LRRC7: variants seen among roughly 807,000 people sequenced by gnomAD.
The protein encoded by LRRC7 is leucine-rich repeat-containing protein 7.
A neutral mutation model predicts 175.7 loss-of-function variants in LRRC7; 23 were observed. The observed-to-expected ratio is 0.13, with a 90% confidence interval of 0.09 to 0.19. LRRC7 has a LOEUF of 0.19. Among genes scored for constraint, LRRC7 ranks in the 10% least tolerant of loss-of-function variants. The pLI is 1.00. For missense variants in LRRC7, 1,354 were observed against 1,904.7 expected, an observed-to-expected ratio of 0.71 and a Z score of 5.38; for synonymous variants, 685 against 680.9, an observed-to-expected ratio of 1.01 and a Z score of -0.09.
intron 23 of LRRC7, among the ~76,000 whole-genome samples, chr1:70,058,658 A>G (rs1175358378): frequency 6.6e-6 from 1 of 152,252 alleles, no homozygotes; most frequent in African/African-American, 2.4e-5. Flanking sequence ...CAGCAACTAT[A>G]TGAAGTAAGC....
chr1:70,013,426 A>C (rs1656693462), intron 13 of LRRC7, among the ~76,000 whole-genome samples: 1 of 152,002 alleles, frequency 6.6e-6, no homozygotes, highest in Admixed American at 6.6e-5. Flanking sequence ...ATTAATAAAA[A>C]TGTGCATATC....
rs146158660 is a variant in LRRC7, at chr1:69,800,977, A to G, written c.421+8817A>G. 1.4e-3 allele frequency among the ~76,000 whole-genome samples: 218 copies of G among 151,910 alleles called. 3 individuals are homozygous for G. Among genetic ancestry groups the G allele is most frequent in the African/African-American group, 4.8e-3 (199 of 41,508 alleles). On this transcript the variant is annotated intron_variant, in intron 4 of 26. Coordinates refer to ENST00000651989, the MANE Select transcript of LRRC7 (RefSeq NM_001370785.2). ...GCATTTTGTCAAATGCTTTTTCTCT[A>G]TCTATTGAGATGATCATATGGTTTT...
At chr1:69,585,017 A>G (rs2100932163) in intron 1 of LRRC7, among the ~76,000 whole-genome samples, 1 of 152,306 alleles carries the variant, frequency 6.6e-6, no homozygotes, top group South Asian at 2.1e-4. Context: ...TACATATAGC[A>G]AAATGTTATA....
rs147791344 is a variant in LRRC7, at chr1:69,579,706, C to T, written c.2+11065C>T. Among the ~76,000 whole-genome samples the T allele has an allele frequency of 3.2e-3, 487 of 152,232 alleles. 9 individuals are homozygous for T. The highest frequency in any genetic ancestry group is 4.1e-3 in the South Asian group (20 of 4,824). Reference sequence around the variant, plus strand: ...ACAGTTTCCCTCAATTCCTTCTTCTCCTCCTTTCTGAGAACATCATAGGAT... The same window carrying T: ...ACAGTTTCCCTCAATTCCTTCTTCTTCTCCTTTCTGAGAACATCATAGGAT... On this transcript the variant is annotated intron_variant, in intron 1 of 26. Transcript: ENST00000651989.
chr1:69,860,710 A>G (rs1426060912), intron 7 of LRRC7, among the ~76,000 whole-genome samples: 1 of 152,096 alleles, frequency 6.6e-6, no homozygotes, highest in Admixed American at 6.6e-5. Flanking sequence ...AACCTATGTA[A>G]TATTTAGGAA....
intron 3 of LRRC7, among the ~76,000 whole-genome samples, chr1:69,784,184 T>C (rs1054183543): frequency 1.3e-5 from 2 of 152,062 alleles, no homozygotes; most frequent in Non-Finnish European, 2.9e-5. Context: ...AACACACAAA[T>C]CCAAACAATA....
chr1:69,820,650 T>C (rs1355483327), intron 4 of LRRC7, among the ~76,000 whole-genome samples: 3 of 152,142 alleles, frequency 2.0e-5, no homozygotes, highest in Non-Finnish European at 2.9e-5. Flanking sequence ...CTGAGAATGA[T>C]GGTTTCCAGC....
chr1:70,039,355 A>C lies in LRRC7; in HGVS notation c.3531A>C (p.Pro1177=). 6.2e-7 allele frequency: 1 copy of C among 1,614,044 alleles called. No homozygotes were observed. The highest frequency in any genetic ancestry group is 1.1e-5 in the South Asian group (1 of 91,092). ...TCAATGAGCCTCATGAGCTGCCCCC[A>C]ACTGATAGGTACGGCAGACCCCCAT... The part of the protein sequence containing the change: ...RRVNEPHELP[P]TDRYGRPPYR... The change falls in exon 21 of 27, where the codon CCA becomes CCC. Residue 1177 remains proline (P), a synonymous_variant. Transcript: ENST00000651989.
chr1:69,605,600 G>T (rs986082763), intron 1 of LRRC7, among the ~76,000 whole-genome samples: 7 of 152,136 alleles, frequency 4.6e-5, no homozygotes, highest in Non-Finnish European at 5.9e-5. Context: ...AATCATGATT[G>T]ATGCTACTGG....
chr1:69,872,700 G>T (rs573031226), intron 7 of LRRC7, among the ~76,000 whole-genome samples: 29 of 152,034 alleles, frequency 1.9e-4, no homozygotes, highest in African/African-American at 6.7e-4. Context: ...GAGATGCCTG[G>T]CAAAAGTTGC....
chr1:69,600,485 C>T (rs969968678), intron 1 of LRRC7, among the ~76,000 whole-genome samples: 1 of 152,122 alleles, frequency 6.6e-6, no homozygotes, highest in Non-Finnish European at 1.5e-5. Context: ...TTTTTGTTCT[C>T]ATAATTAGAC....
At chr1:69,606,387 G>C (rs1350241925) in intron 1 of LRRC7, among the ~76,000 whole-genome samples, 1 of 151,858 alleles carries the variant, frequency 6.6e-6, no homozygotes, top group Non-Finnish European at 1.5e-5. Context: ...TAAATGTCAA[G>C]GATTTACTTT....
chr1:69,659,507 A>G (rs1657129677), intron 1 of LRRC7, among the ~76,000 whole-genome samples: 1 of 150,470 alleles, frequency 6.6e-6, no homozygotes, highest in South Asian at 2.1e-4. Flanking sequence ...GACCTTAAAC[A>G]ATCAGCCAAA....
chr1:69,773,776 C>T (rs1390638310), intron 3 of LRRC7, among the ~76,000 whole-genome samples: 1 of 152,154 alleles, frequency 6.6e-6, no homozygotes, highest in East Asian at 1.9e-4. Context: ...TCAAAACAAC[C>T]CTGCCCAATA....
At chr1:69,996,884 TC>T (rs1655035160) in intron 11 of LRRC7, among the ~76,000 whole-genome samples, 1 of 152,162 alleles carries the variant, frequency 6.6e-6, no homozygotes, top group Non-Finnish European at 1.5e-5. Flanking sequence ...CAATGCGGGC[TC>T]TTTTTTGGTT....
At chr1:69,609,467 G>A (rs1362724890) in intron 1 of LRRC7, among the ~76,000 whole-genome samples, 2 of 151,640 alleles carry the variant, frequency 1.3e-5, no homozygotes, top group Non-Finnish European at 2.9e-5. Context: ...GTGCAAGGAA[G>A]AAAGAAAAAA....
chr1:69,906,417 A>G (rs1646313527), intron 7 of LRRC7, among the ~76,000 whole-genome samples: 2 of 152,114 alleles, frequency 1.3e-5, no homozygotes, highest in Admixed American at 6.5e-5. Flanking sequence ...TCTTCAATCC[A>G]TCTTGAATTA....
At position 70,139,295 on chromosome 1, in the gene LRRC7, A is replaced by G. The variant is rs1316381646; in HGVS notation, c.*17408A>G. ...TAAAGGAAATTAACGAGCTTTTGACATTTCAAGAACTCATTGAGATTGTCA... is the reference window on the plus strand; with the variant it reads ...TAAAGGAAATTAACGAGCTTTTGACGTTTCAAGAACTCATTGAGATTGTCA... On this transcript the variant is annotated 3_prime_UTR_variant, in exon 27 of 27. Transcript: ENST00000651989. 6.6e-6 allele frequency: 1 copy of G among 152,188 alleles called. No individual in the cohort carries two copies. Among genetic ancestry groups the G allele is most frequent in the African/African-American group, 2.4e-5 (1 of 41,450 alleles). The allele number at this position is 152,188 out of a possible 1,614,324, so 9.4% of individuals were successfully genotyped here.
chr1:69,996,308 T>C (rs1489956237), intron 11 of LRRC7, among the ~76,000 whole-genome samples: 1 of 152,178 alleles, frequency 6.6e-6, no homozygotes, highest in African/African-American at 2.4e-5. Context: ...TATTAGTCCT[T>C]TGTCAGATGA....
Sources: allele counts gnomAD v4.1 joint callset (sites outside exome capture counted in the v4.1 genomes callset), GRCh38; gene constraint gnomAD v4.1.1; transcripts MANE v1.5; gene names NCBI Gene and HGNC (gene_info 2026-07-23, HGNC 2026-07-21).